Variants in PML observed in about 807,000 individuals in gnomAD.
PML encodes protein PML.
Under a neutral mutation model 65.2 loss-of-function variants are expected in PML, and 28 were observed. The ratio of observed to expected loss-of-function variants is 0.43; its 90% CI spans 0.32 to 0.59. The LOEUF (loss-of-function observed/expected upper bound fraction) is 0.59. Ranked by LOEUF, PML falls within the 20% of genes least tolerant of loss-of-function variation. PML has a pLI of 0.08. For synonymous variants in PML, 500 were observed against 508.8 expected, an observed-to-expected ratio of 0.98 and a Z score of 0.23; for missense variants, 1,021 against 1,203.4, an observed-to-expected ratio of 0.85 and a Z score of 2.24.
chr15:74,012,507 G>A (rs898008550), intron 2 of PML, among the ~76,000 whole-genome samples: 3 of 151,452 alleles, frequency 2.0e-5, no homozygotes, highest in Non-Finnish European at 2.9e-5. Context: ...ATGGGGTTTC[G>A]CCATGTTGGC....
intron 7 of PML, chr15:74,036,172 A>G: frequency 6.2e-7 from 1 of 1,601,832 alleles, no homozygotes; most frequent in Non-Finnish European, 8.5e-7. Context: ...GCTGAGATTC[A>G]AGCCACCATT....
At position 74,007,174 on chromosome 15, in the gene PML, G is replaced by GT. The variant is rs1399928693; in HGVS notation, c.602+8704dup. On this transcript the variant is annotated intron_variant, in intron 2 of 8. Transcript: ENST00000268058. The stretch of plus-strand genomic sequence containing the variant: ...TAGTTCTTGTTTCTCAGAAGTTTCT[G>GT]TTTTTTGTCATAAGAGCAAAGAGCG... Among the ~76,000 whole-genome samples, 37 of 152,306 alleles carry GT rather than the reference G, an allele frequency of 2.4e-4. 1 individual carries two copies. The highest frequency in any genetic ancestry group is 2.3e-3 in the Admixed American group (35 of 15,298).
rs779392545 is a variant in PML at position 74,035,148 on chromosome 15, A to G, written c.1710+618A>G. On this transcript the variant is annotated intron_variant, in intron 7 of 8. Coordinates refer to ENST00000268058, the MANE Select transcript of PML (RefSeq NM_033238.3). This position sits in a 1 kb window ranked among gnomAD's most constrained non-coding sequence, Gnocchi z 4.1. ...GCCCCTGAGGTCTCTTCCAGCCCTC[A>G]GTCTGAGGTTCTGTATTGGAAAGTG... 8.6e-7 allele frequency: 1 copy of G among 1,165,640 alleles called. No homozygotes were observed. The highest frequency in any genetic ancestry group is 1.7e-5 in the Admixed American group (1 of 59,470). The allele number at this position is 1,165,640 out of a possible 1,614,324, so 72.2% of individuals were successfully genotyped here. A position where few individuals can be genotyped will look rare whatever the true frequency, so the allele number is the denominator to read the frequency against.
chr15:74,013,891 T>G (rs2070444183), intron 2 of PML, among the ~76,000 whole-genome samples: 1 of 152,240 alleles, frequency 6.6e-6, no homozygotes, highest in African/African-American at 2.4e-5. Context: ...GAATATTGGT[T>G]AATGTTCAGC....
chr15:74,038,025 C>G (rs2071612451), intron 7 of PML, among the ~76,000 whole-genome samples: 1 of 152,150 alleles, frequency 6.6e-6, no homozygotes, highest in Non-Finnish European at 1.5e-5. Context: ...GTTGCACAAG[C>G]CAAGACCCCA....
chr15:74,032,432 G>A (rs916579572), intron 4 of PML, 140 bp from the exon 5 acceptor site: 2 of 866,238 alleles, frequency 2.3e-6, no homozygotes. Context: ...CTTGTCCCCA[G>A]TGAGCTCGGA....
At chr15:74,014,001 A>G (rs373186666) in intron 2 of PML, among the ~76,000 whole-genome samples, 64 of 152,360 alleles carry the variant, frequency 4.2e-4, no homozygotes, top group African/African-American at 1.4e-3. Context: ...CTTTAATAAC[A>G]TATAACACAT....
Position 74,043,775 on chromosome 15 carries a change from G to A in PML, c.1862-446G>A, listed in dbSNP as rs767832272. 1.9e-6 allele frequency: 1 copy of A among 532,698 alleles called. No homozygotes were observed. The highest frequency in any genetic ancestry group is 1.9e-5 in the Admixed American group (1 of 51,870). The allele number at this position is 532,698 out of a possible 1,614,324, so 33.0% of individuals were successfully genotyped here. A position where few individuals can be genotyped will look rare whatever the true frequency, so the allele number is the denominator to read the frequency against. On this transcript the variant is annotated intron_variant, in intron 8 of 8. Transcript: ENST00000268058. The surrounding 1 kb of genome is among the most constrained non-coding windows in gnomAD (Gnocchi z 4.3). Reference sequence around the variant, plus strand: ...TGCAGACCTCAGTGGGAGGCTCTTGGCCTTGCTCTGAGTGGAGTGCTTTCT... The same window carrying A: ...TGCAGACCTCAGTGGGAGGCTCTTGACCTTGCTCTGAGTGGAGTGCTTTCT...
chr15:74,026,084 A>G (rs1224608686), intron 4 of PML: 3 of 152,308 alleles, frequency 2.0e-5, no homozygotes, highest in Non-Finnish European at 4.4e-5. Flanking sequence ...CAGAGGACGA[A>G]GCTAAGACCC....
At chr15:74,010,475 C>A (rs1313881509) in intron 2 of PML, among the ~76,000 whole-genome samples, 3 of 149,710 alleles carry the variant, frequency 2.0e-5, no homozygotes, top group African/African-American at 7.4e-5. Flanking sequence ...CATAATCATG[C>A]CATTGCACTC....
At chr15:73,995,952 C>G (rs769876385) in intron 1 of PML, among the ~76,000 whole-genome samples, 3 of 152,104 alleles carry the variant, frequency 2.0e-5, no homozygotes, top group Non-Finnish European at 2.9e-5. Flanking sequence ...TGGGGTTTCA[C>G]TATGTTGGCC....
At chr15:73,995,566 C>T (rs2069442978) in intron 1 of PML, among the ~76,000 whole-genome samples, 1 of 152,236 alleles carries the variant, frequency 6.6e-6, no homozygotes, top group African/African-American at 2.4e-5. Flanking sequence ...CCCTTTTACT[C>T]CCCTTCATGA....
intron 2 of PML, among the ~76,000 whole-genome samples, chr15:74,009,094 G>A (rs1158019320): frequency 6.6e-6 from 1 of 152,144 alleles, no homozygotes; most frequent in Non-Finnish European, 1.5e-5. Flanking sequence ...GCCAGCACTT[G>A]CCTGACCAGA....
At chr15:74,033,475 T>G in intron 6 of PML, 61 bp downstream of exon 6, 1 of 1,588,604 alleles carries the variant, frequency 6.3e-7, no homozygotes, top group Non-Finnish European at 8.6e-7. Context: ...GCGGTGCCCC[T>G]CTTCTGTATT....
rs985810389 is a variant in PML at position 74,046,341 on chromosome 15, C to T, written c.*1333C>T. 3 of 233,284 alleles carry T rather than the reference C, an allele frequency of 1.3e-5. No individual in the cohort carries two copies. Among genetic ancestry groups the T allele is most frequent in the African/African-American group, 4.4e-5 (2 of 45,336 alleles). 14.5% of individuals were successfully genotyped at this position (233,284 alleles called of 1,614,324 possible). ...GAACGACAGCCCCTTCCTCCTCCTC[C>T]CTCCTTCCCATCCCTACTCATTAGC... On this transcript the variant is annotated 3_prime_UTR_variant, in exon 9 of 9. Transcript: ENST00000268058.
chr15:74,032,249 A>T, intron 4 of PML: 5 of 391,628 alleles, frequency 1.3e-5, no homozygotes, highest in South Asian at 1.2e-4. Context: ...GAAGGAGGTG[A>T]TGCCAGTCGC....
At position 74,047,452 on chromosome 15, in the gene PML, C is replaced by T. The variant is rs552733956; in HGVS notation, c.*2444C>T. On this transcript the variant is annotated 3_prime_UTR_variant, in exon 9 of 9. Transcript: ENST00000268058. Reference sequence around the variant, plus strand: ...TATTCTCTCAGCTTGATCCTTTGACCAAGAAGATCCAGTCCCAATATGTCA... The same window carrying T: ...TATTCTCTCAGCTTGATCCTTTGACTAAGAAGATCCAGTCCCAATATGTCA... 3 of 227,986 alleles carry T rather than the reference C, an allele frequency of 1.3e-5. No homozygotes were observed. Among genetic ancestry groups the T allele is most frequent in the South Asian group, 3.6e-4 (2 of 5,506 alleles). The allele number at this position is 227,986 out of a possible 1,614,324, so 14.1% of individuals were successfully genotyped here.
chr15:74,010,637 T>C (rs534603098), intron 2 of PML, among the ~76,000 whole-genome samples: 2 of 152,326 alleles, frequency 1.3e-5, no homozygotes, highest in South Asian at 2.1e-4. Context: ...CAATCACTTA[T>C]TGAGCATTTA....
chr15:74,032,605 C>G lies in PML; in HGVS notation c.1288C>G (p.Gln430Glu). The G allele has an allele frequency of 6.2e-7, 1 of 1,614,192 alleles. No individual in the cohort carries two copies. Among genetic ancestry groups the G allele is most frequent in the Non-Finnish European group, 8.5e-7 (1 of 1,179,996 alleles). ...GGCAGAGAGAGTGAAGGCCCAGGTT[C>G]AGGCCCTGGGGCTGGCTGAAGCCCA... ...EEAERVKAQV[Q>E]ALGLAEAQPM... is the part of the protein sequence containing the mutation. The change falls in exon 5 of 9, where the codon CAG becomes GAG. Residue 430 changes from glutamine to glutamate, a missense_variant. By Grantham distance (29) the Gln-to-Glu change is conservative. Transcript: ENST00000268058.
Sources: gnomAD v4.1 joint callset for allele counts (sites outside exome capture counted in the v4.1 genomes callset) on GRCh38, gnomAD v4.1.1 for gene constraint, Gnocchi (gnomAD v3.1) non-coding constraint, MANE v1.5 for transcripts, NCBI Gene and HGNC (gene_info 2026-07-23, HGNC 2026-07-21) for gene names.